CFAP47: variants seen among roughly 807,000 people sequenced by gnomAD.
The protein encoded by CFAP47 is cilia- and flagella-associated protein 47.
In CFAP47, 29 loss-of-function variants were observed where a neutral mutation model predicts 148.1. The ratio of observed to expected loss-of-function variants is 0.20; its 90% confidence interval spans 0.15 to 0.27. CFAP47 has a LOEUF of 0.27. CFAP47 is among the 10% of genes least tolerant of loss of function. CFAP47 has a pLI of 1.00. For missense variants in CFAP47, 1,872 were observed against 1,697.5 expected (o/e 1.10, Z -1.81); for synonymous variants, 664 against 577.3 (o/e 1.15, Z -2.15).
At chrX:36,070,785 C>A (rs754967184) in intron 27 of CFAP47, among the ~76,000 whole-genome samples, 7 of 111,861 alleles carry the variant, frequency 6.3e-5, no homozygotes, top group Non-Finnish European at 5.6e-5. Flanking sequence ...AGCCACCTCA[C>A]CTGGCTGCAA....
chrX:36,174,499 G>A (rs1248268408), intron 39 of CFAP47, among the ~76,000 whole-genome samples: 2 of 109,509 alleles, frequency 1.8e-5, no homozygotes, highest in African/African-American at 6.7e-5. Flanking sequence ...AGGCCTGGTG[G>A]TGACAAAATC....
chrX:36,294,605 G>A (rs185732176), intron 51 of CFAP47, among the ~76,000 whole-genome samples: 6,381 of 109,968 alleles, frequency 0.058, 163 homozygotes, highest in Middle Eastern at 0.13. Context: ...CCAGCTACTC[G>A]GGAGGCTGAG....
chrX:36,010,710 G>A (rs934820177), intron 21 of CFAP47, among the ~76,000 whole-genome samples: 3 of 111,058 alleles, frequency 2.7e-5, no homozygotes. Context: ...CAACCATCTT[G>A]GCCTCCCAAA....
At chrX:35,942,044 G>C (rs961736549) in intron 3 of CFAP47, among the ~76,000 whole-genome samples, 7 of 109,951 alleles carry the variant, frequency 6.4e-5, no homozygotes, top group South Asian at 7.7e-4. Flanking sequence ...GTGTGTGTGT[G>C]TGTGTGTCTG....
chrX:35,966,663 T>C lies in CFAP47; in HGVS notation c.1509T>C (p.Ser503=). The change falls in exon 9 of 64, where the codon TCT becomes TCC. Residue 503 remains serine, a synonymous_variant. Coordinates refer to ENST00000378653, the MANE Select transcript of CFAP47 (RefSeq NM_001304548.2). ...TAGTGGCAGAAGAAGATTTGCAATC[T>C]TTGTCGGTAAAATCTTTCCATCACG... ...IGLVAEEDLQ[S]LSVKSFHHVY... The C allele has an allele frequency of 1.7e-6, 2 of 1,185,739 alleles. No homozygotes were observed. Among genetic ancestry groups the C allele is most frequent in the Non-Finnish European group, 2.3e-6 (2 of 880,275 alleles).
chrX:36,284,898 G>A (rs1941116389), intron 50 of CFAP47, among the ~76,000 whole-genome samples: 1 of 111,238 alleles, frequency 9.0e-6, no homozygotes, highest in African/African-American at 3.3e-5. Context: ...ATCAAAATGG[G>A]AAGCTGAACA....
Position 36,075,870 on chromosome X carries a change from T to G in CFAP47, c.4691+2506T>G, listed in dbSNP as rs113455422. On this transcript the variant is annotated intron_variant, in intron 29 of 63. Transcript: ENST00000378653. Reference sequence around the variant, plus strand: ...GCTGCAAATGACATGATTTCATTCTTTTTTATGGTTTCATAGTATTCCATT... The same window carrying G: ...GCTGCAAATGACATGATTTCATTCTGTTTTATGGTTTCATAGTATTCCATT... Among the ~76,000 whole-genome samples, 1,060 of 112,076 alleles carry G rather than the reference T, an allele frequency of 9.5e-3. 8 individuals are homozygous for G. Among genetic ancestry groups the G allele is most frequent in the African/African-American group, 0.032 (999 of 30,782 alleles).
intron 54 of CFAP47, among the ~76,000 whole-genome samples, chrX:36,306,361 A>G (rs1415324576): frequency 2.7e-5 from 3 of 111,824 alleles, no homozygotes; most frequent in Non-Finnish European, 3.8e-5. Context: ...TTGCTTAGAA[A>G]CAGTTCATTT....
In CFAP47 at chrX:36,031,310, A is replaced by G. The variant is rs1937275899; in HGVS notation, c.3614A>G (p.His1205Arg). The stretch of plus-strand genomic sequence containing the variant: ...AAGTTTGTATTTGAAATCCCTTTAC[A>G]TGAGATGAATCCTAATAACAAGGTC... ...STKFVFEIPL[H>R]EMNPNNKVTK... The change falls in exon 23 of 64, where the codon CAT becomes CGT. Residue 1205 changes from histidine to arginine, a missense_variant. By Grantham distance (29) the His-to-Arg change is conservative. Coordinates refer to ENST00000378653, the MANE Select transcript of CFAP47 (RefSeq NM_001304548.2). 3.4e-6 allele frequency: 1 copy of G among 290,096 alleles called. No individual in the cohort carries two copies. The highest frequency in any genetic ancestry group is 6.3e-5 in the Admixed American group (1 of 15,863). The allele number at this position is 290,096 out of a possible 1,213,427, so 23.9% of individuals were successfully genotyped here. A position where few individuals can be genotyped will look rare whatever the true frequency, so the allele number is the denominator to read the frequency against.
chrX:36,052,023 C>A (rs1294509829), intron 26 of CFAP47, among the ~76,000 whole-genome samples: 1 of 111,737 alleles, frequency 8.9e-6, no homozygotes, highest in African/African-American at 3.3e-5. Context: ...TGCCTTCCAC[C>A]ATGATTGTGA....
At chrX:36,293,233 C>T (rs1941209701) in intron 51 of CFAP47, among the ~76,000 whole-genome samples, 1 of 111,972 alleles carries the variant, frequency 8.9e-6, no homozygotes, top group Non-Finnish European at 1.9e-5. Flanking sequence ...AGTCACAAAC[C>T]TGGGAACTGT....
At chrX:36,176,278 G>A (rs190331935) in intron 39 of CFAP47, among the ~76,000 whole-genome samples, 27 of 112,246 alleles carry the variant, frequency 2.4e-4, no homozygotes, top group Non-Finnish European at 4.1e-4. Flanking sequence ...ACTCACGCTC[G>A]GAGCTGTAGA....
At chrX:35,951,421 T>C in intron 5 of CFAP47, 62 bp downstream of exon 5, 1 of 728,708 alleles carries the variant, frequency 1.4e-6, no homozygotes, top group East Asian at 3.5e-5. Context: ...GTGTTAAATC[T>C]AATAATAACC....
chrX:35,975,648 T>C, intron 14 of CFAP47, 24 bp from the exon 15 acceptor site: 2 of 1,201,184 alleles, frequency 1.7e-6, no homozygotes, highest in Non-Finnish European at 2.3e-6. Flanking sequence ...TCAGTTAAAT[T>C]TGGATGCTTT....
chrX:36,215,254 G>C, intron 45 of CFAP47, among the ~76,000 whole-genome samples: 1 of 111,547 alleles, frequency 9.0e-6, no homozygotes, highest in South Asian at 3.8e-4. Context: ...GTACCCTTGA[G>C]CCATCAATGT....
At chrX:35,984,986 G>A (rs180782070) in intron 15 of CFAP47, among the ~76,000 whole-genome samples, 94 of 111,545 alleles carry the variant, frequency 8.4e-4, no homozygotes, top group African/African-American at 2.9e-3. Flanking sequence ...TTTAGGACCC[G>A]AATATCTTTG....
At chrX:36,018,247 A>G (rs1387574985) in intron 22 of CFAP47, among the ~76,000 whole-genome samples, 1 of 112,034 alleles carries the variant, frequency 8.9e-6, no homozygotes, top group Admixed American at 9.5e-5. Flanking sequence ...GTCATTTATA[A>G]TATTTTTTGA....
chrX:36,268,549 C>T (rs113743754), intron 49 of CFAP47, among the ~76,000 whole-genome samples: 1 of 112,066 alleles, frequency 8.9e-6, no homozygotes, highest in Non-Finnish European at 1.9e-5. Context: ...ATGAATCCAC[C>T]CATTATATTC....
At chrX:35,951,638 A>T (rs1475402793) in intron 5 of CFAP47, among the ~76,000 whole-genome samples, 165 bp from the exon 6 acceptor site, 1 of 111,459 alleles carries the variant, frequency 9.0e-6, no homozygotes, top group Non-Finnish European at 1.9e-5. Context: ...ATCCTTTTTC[A>T]AATTGTATGA....
Sources: allele counts gnomAD v4.1 joint callset (sites outside exome capture counted in the v4.1 genomes callset), GRCh38; gene constraint gnomAD v4.1.1; transcripts MANE v1.5; gene names NCBI Gene and HGNC (gene_info 2026-07-23, HGNC 2026-07-21).